Variants in MAD1L1 observed in about 807,000 individuals in gnomAD.
MAD1L1 encodes mitotic spindle assembly checkpoint protein MAD1.
MAD1L1 carries 95 observed loss-of-function variants against 96.9 expected under a neutral mutation model. The ratio of observed to expected loss-of-function variants is 0.98; its 90% confidence interval spans 0.83 to 1.16. The LOEUF (loss-of-function observed/expected upper bound fraction) is 1.16. MAD1L1 is among the 50% of genes most tolerant of loss of function. MAD1L1 has a pLI of 0.00. For synonymous variants in MAD1L1, 473 were observed against 396.6 expected (o/e 1.19, Z -2.29); for missense variants, 1,007 against 954.4 (o/e 1.06, Z -0.73).
intron 10 of MAD1L1, among the ~76,000 whole-genome samples, chr7:2,209,173 C>T (rs1311930752): frequency 6.6e-6 from 1 of 152,194 alleles, no homozygotes; most frequent in African/African-American, 2.4e-5. Flanking sequence ...GACCTCGTTC[C>T]ACAGGGTCTT....
intron 17 of MAD1L1, among the ~76,000 whole-genome samples, chr7:1,924,631 C>T (rs1248054841): frequency 6.6e-6 from 1 of 152,116 alleles, no homozygotes; most frequent in African/African-American, 2.4e-5. Flanking sequence ...GGAAGTCCTG[C>T]CAAACCAGAA....
intron 18 of MAD1L1, among the ~76,000 whole-genome samples, chr7:1,850,146 G>A (rs1051450126): frequency 5.3e-5 from 8 of 152,138 alleles, no homozygotes; most frequent in Admixed American, 3.9e-4. Context: ...GGTGAGCGGC[G>A]GCCGGGGCAG....
In MAD1L1 at chr7:2,142,724, C is replaced by T. The variant is rs779848855; in HGVS notation, c.1073+6428G>A. 2.0e-5 allele frequency among the ~76,000 whole-genome samples: 3 copies of T among 152,224 alleles called. No individual in the cohort carries two copies. Among genetic ancestry groups the T allele is most frequent in the Non-Finnish European group, 4.4e-5 (3 of 68,038 alleles). On this transcript the variant is annotated intron_variant, in intron 11 of 18. Transcript: ENST00000265854. This position sits in a 1 kb window ranked among gnomAD's most constrained non-coding sequence, Gnocchi z 4.7. The stretch of plus-strand genomic sequence containing the variant: ...TCGAGTGGCGCCAAAGCCGAACGGA[C>T]GCAACAAGGCCTCTGGCCATGTCAA...
chr7:2,045,147 G>C (rs1191568000), intron 12 of MAD1L1, among the ~76,000 whole-genome samples: 3 of 152,004 alleles, frequency 2.0e-5, no homozygotes, highest in Non-Finnish European at 4.4e-5. Context: ...GAAAGGCTCC[G>C]GCCTCCCACC....
intron 17 of MAD1L1, among the ~76,000 whole-genome samples, chr7:1,932,780 G>C (rs55786379): frequency 0.033 from 4,989 of 152,328 alleles, 114 homozygotes; most frequent in Non-Finnish European, 0.053. Flanking sequence ...AGGCACTTCT[G>C]TTATCATCTG....
chr7:2,215,999 C>T lies in MAD1L1; in HGVS notation c.810G>A (p.Arg270=). 6.2e-7 allele frequency: 1 copy of T among 1,613,976 alleles called. No individual in the cohort carries two copies. Among genetic ancestry groups the T allele is most frequent in the South Asian group, 1.1e-5 (1 of 91,086 alleles). ...GCAGCCCGTTGGTCTCTCTCATCTC[C>T]CTGGCAGTGCCACAAAGAGTCGCTC... ...KQLREESAHL[R]EMRETNGLLQ... Residue 270 remains arginine (R), a splice_region_variant and synonymous_variant, in exon 9 of 19, where the codon CGG becomes CGA. Coordinates refer to ENST00000265854, the MANE Select transcript of MAD1L1 (RefSeq NM_001013836.2).
At chr7:1,920,081 C>A (rs912403346) in intron 17 of MAD1L1, among the ~76,000 whole-genome samples, 4 of 152,166 alleles carry the variant, frequency 2.6e-5, no homozygotes, top group Admixed American at 2.6e-4. Flanking sequence ...GAGACAGCAA[C>A]CCCCAGAGTC....
intron 18 of MAD1L1, among the ~76,000 whole-genome samples, chr7:1,822,413 G>A (rs1378308455): frequency 6.9e-6 from 1 of 145,250 alleles, no homozygotes; most frequent in African/African-American, 2.6e-5. Flanking sequence ...TAAGGTAATT[G>A]CTGTCCAAAC....
At chr7:1,844,521 A>G (rs1160176386) in intron 18 of MAD1L1, among the ~76,000 whole-genome samples, 2 of 152,054 alleles carry the variant, frequency 1.3e-5, no homozygotes, top group Admixed American at 6.6e-5. Context: ...CAGGGGGCAG[A>G]GGCGGCCCAG....
intron 11 of MAD1L1, among the ~76,000 whole-genome samples, chr7:2,138,603 C>T (rs867422653): frequency 5.9e-5 from 9 of 152,254 alleles, no homozygotes; most frequent in Middle Eastern, 6.8e-3. Flanking sequence ...GATGGGGCCT[C>T]CCCCGCTCTC....
intron 18 of MAD1L1, among the ~76,000 whole-genome samples, chr7:1,856,931 G>A (rs1056717297): frequency 1.3e-5 from 2 of 152,130 alleles, no homozygotes; most frequent in Non-Finnish European, 2.9e-5. Context: ...AGCTGACCAT[G>A]AGCTGCCACA....
Position 1,952,387 on chromosome 7 carries a change from T to G in MAD1L1, c.1596+5242A>C, listed in dbSNP as rs118105651. ...GCCACGGGAGGAAACCAGGAGCCCTTGGTCCCGCCAGGACCTAACGTGGGT... is the reference window on the plus strand; with the variant it reads ...GCCACGGGAGGAAACCAGGAGCCCTGGGTCCCGCCAGGACCTAACGTGGGT... On this transcript the variant is annotated intron_variant, in intron 16 of 18. Transcript: ENST00000265854. Among the ~76,000 whole-genome samples the G allele has an allele frequency of 7.3e-3, 1,110 of 152,288 alleles. 4 individuals carry two copies. The highest frequency in any genetic ancestry group is 0.017 in the Middle Eastern group (5 of 294).
intron 12 of MAD1L1, among the ~76,000 whole-genome samples, chr7:2,017,218 T>C (rs1782582997): frequency 6.6e-6 from 1 of 152,232 alleles, no homozygotes; most frequent in South Asian, 2.1e-4. Context: ...GCAAGTCCAC[T>C]TCATTTCCAC....
At position 1,844,635 on chromosome 7, in the gene MAD1L1, T is replaced by TC. The variant is rs1247279376; in HGVS notation, c.1999-28408dup. On this transcript the variant is annotated intron_variant, in intron 18 of 18. Coordinates refer to ENST00000265854, the MANE Select transcript of MAD1L1 (RefSeq NM_001013836.2). ...GCCCAGCACCTCCCCTTGGTGACCA[T>TC]CCCCCCAAAGCTGGGGGGAGTCCAG... Among the ~76,000 whole-genome samples, 6 of 151,434 alleles carry TC rather than the reference T, an allele frequency of 4.0e-5. No homozygotes were observed. The South Asian group carries it at 1.0e-3, about 26-fold the overall frequency.
intron 18 of MAD1L1, among the ~76,000 whole-genome samples, chr7:1,883,423 G>A (rs952705333): frequency 6.6e-6 from 1 of 152,198 alleles, no homozygotes; most frequent in Admixed American, 6.5e-5. Context: ...TCTTCTGAAT[G>A]CCTGGGGCCA....
At chr7:2,102,187 C>CCACCATCACCACCGT (rs1443232292) in intron 11 of MAD1L1, among the ~76,000 whole-genome samples, 2 of 145,724 alleles carry the variant, frequency 1.4e-5, no homozygotes, top group East Asian at 4.0e-4. Flanking sequence ...GTCACCACAA[C>CCACCATCACCACCGT]CACCATCACC....
intron 16 of MAD1L1, among the ~76,000 whole-genome samples, chr7:1,945,737 G>A (rs900202270): frequency 7.2e-5 from 11 of 152,306 alleles, no homozygotes; most frequent in South Asian, 4.1e-4. Flanking sequence ...TCAGAGGTGC[G>A]GGTAAGGTGG....
At chr7:1,910,613 C>T (rs560985692) in intron 17 of MAD1L1, among the ~76,000 whole-genome samples, 32 of 152,352 alleles carry the variant, frequency 2.1e-4, no homozygotes, top group Non-Finnish European at 4.1e-4. Flanking sequence ...GTCTTCTGGG[C>T]ACCCCACATT....
At chr7:2,219,549 C>T (rs1793478255) in intron 5 of MAD1L1, 93 bp from the exon 6 acceptor site, 4 of 1,401,688 alleles carry the variant, frequency 2.9e-6, no homozygotes, top group Non-Finnish European at 3.9e-6. Flanking sequence ...GGAGAGGCGA[C>T]ACCACCCACG....
Sources: allele counts gnomAD v4.1 joint callset (sites outside exome capture counted in the v4.1 genomes callset), GRCh38; gene constraint gnomAD v4.1.1; non-coding constraint Gnocchi (gnomAD v3.1); transcripts MANE v1.5; gene names NCBI Gene and HGNC (gene_info 2026-07-23, HGNC 2026-07-21).